The following PRKCB variants were observed in gnomAD, a reference collection of about 807,000 sequenced individuals.
The protein encoded by PRKCB is protein kinase C beta type.
PRKCB carries 13 observed loss-of-function variants against 81.5 expected under a neutral mutation model. The observed-to-expected ratio is 0.16, with a 90% CI of 0.10 to 0.25. The LOEUF is 0.25. PRKCB is among the 10% of genes least tolerant of loss of function. The pLI, the probability that PRKCB is intolerant of heterozygous loss-of-function variation, is 1.00. For missense variants in PRKCB, 509 were observed against 875.7 expected, an observed-to-expected ratio of 0.58 and a Z score of 5.29; for synonymous variants, 335 against 321.4, an observed-to-expected ratio of 1.04 and a Z score of -0.45.
In PRKCB at chr16:23,890,474, C is replaced by G. The variant is rs1222752605; in HGVS notation, c.205+53068C>G. Among the ~76,000 whole-genome samples the G allele has an allele frequency of 2.6e-5, 4 of 152,120 alleles. No individual in the cohort carries two copies. The East Asian group carries it at 7.7e-4, about 29-fold the overall frequency. ...CTTCTATGAAACAAGGAGAGACGCT[C>G]CCTGGGACCCTTAACTATTTCTGGA... On this transcript the variant is annotated intron_variant, in intron 2 of 16. Coordinates refer to ENST00000643927, the MANE Select transcript of PRKCB (RefSeq NM_002738.7).
chr16:23,857,770 G>T (rs1962595881), intron 2 of PRKCB, among the ~76,000 whole-genome samples: 1 of 152,062 alleles, frequency 6.6e-6, no homozygotes, highest in African/African-American at 2.4e-5. Context: ...TCCCTAGAAG[G>T]ATCTCTATTC....
At chr16:24,060,350 G>A (rs1050151294) in intron 5 of PRKCB, among the ~76,000 whole-genome samples, 1 of 152,142 alleles carries the variant, frequency 6.6e-6, no homozygotes, top group African/African-American at 2.4e-5. Flanking sequence ...ATAATGAGGG[G>A]TTAGTTAGTG....
chr16:23,997,781 A>C (rs964090115), intron 3 of PRKCB, among the ~76,000 whole-genome samples: 1 of 152,164 alleles, frequency 6.6e-6, no homozygotes, highest in Non-Finnish European at 1.5e-5. Context: ...TTGCATTTTC[A>C]GTTGTACAAA....
chr16:24,031,428 G>GGA (rs1965550101), intron 3 of PRKCB, among the ~76,000 whole-genome samples: 1 of 152,176 alleles, frequency 6.6e-6, no homozygotes, highest in Non-Finnish European at 1.5e-5. Context: ...AAGGAAGTAT[G>GGA]CATTTCCATT....
chr16:24,113,309 CCTTTCTGTCTTG>C (rs1450960132), intron 8 of PRKCB, among the ~76,000 whole-genome samples: 12 of 148,770 alleles, frequency 8.1e-5, no homozygotes, highest in African/African-American at 3.0e-4. Flanking sequence ...TCGCTTTCTT[CCTTTCTGTCTTG>C]CTTTCTTTCT....
At chr16:24,005,964 G>T (rs1183490514) in intron 3 of PRKCB, among the ~76,000 whole-genome samples, 1 of 152,178 alleles carries the variant, frequency 6.6e-6, no homozygotes, top group Non-Finnish European at 1.5e-5. Flanking sequence ...CATCTCTCTT[G>T]GGATGACCAT....
At chr16:23,891,860 C>T (rs1474849312) in intron 2 of PRKCB, among the ~76,000 whole-genome samples, 3 of 152,206 alleles carry the variant, frequency 2.0e-5, no homozygotes, top group African/African-American at 4.8e-5. Flanking sequence ...CAAAAGACAG[C>T]ACAGAAATTT....
At chr16:23,899,644 C>CTCTGTG (rs1458482493) in intron 2 of PRKCB, among the ~76,000 whole-genome samples, 1 of 5,782 alleles carries the variant, frequency 1.7e-4, no homozygotes, top group African/African-American at 2.1e-4. Context: ...CTCTCTCTCT[C>CTCTGTG]TGTGTGTGTG....
chr16:24,197,694 G>C (rs528724057), intron 16 of PRKCB, among the ~76,000 whole-genome samples: 1 of 152,152 alleles, frequency 6.6e-6, no homozygotes, highest in African/African-American at 2.4e-5. Context: ...CCAGGCAAAA[G>C]GTGATAGGAG....
intron 3 of PRKCB, among the ~76,000 whole-genome samples, chr16:23,990,855 C>T (rs1035673730): frequency 2.6e-5 from 4 of 152,194 alleles, no homozygotes; most frequent in Admixed American, 2.6e-4. Flanking sequence ...ACCCTGGGGG[C>T]ATTCTTTTAC....
chr16:24,193,772 T>G (rs1967835277), intron 16 of PRKCB, among the ~76,000 whole-genome samples: 1 of 152,002 alleles, frequency 6.6e-6, no homozygotes, highest in Non-Finnish European at 1.5e-5. Context: ...GAGAAAGTGT[T>G]GGAGATCGAT....
intron 2 of PRKCB, among the ~76,000 whole-genome samples, chr16:23,861,554 G>A (rs1428322089): frequency 6.6e-6 from 1 of 152,150 alleles, no homozygotes; most frequent in Non-Finnish European, 1.5e-5. Flanking sequence ...ACTTAACACT[G>A]TCATCAAGCG....
intron 16 of PRKCB, among the ~76,000 whole-genome samples, chr16:24,207,308 T>G (rs568877392): frequency 1.3e-3 from 196 of 152,346 alleles, no homozygotes; most frequent in Non-Finnish European, 2.4e-3. Context: ...GCTGTCTCAT[T>G]TAAAATAGCT....
chr16:24,119,128 CTT>C (rs10711558), intron 8 of PRKCB, among the ~76,000 whole-genome samples: 1,694 of 147,790 alleles, frequency 0.011, 19 homozygotes, highest in African/African-American at 0.036. Flanking sequence ...TATCAGACTT[CTT>C]TTTTTTTTTT....
At chr16:23,874,325 T>G (rs1962959530) in intron 2 of PRKCB, among the ~76,000 whole-genome samples, 1 of 152,190 alleles carries the variant, frequency 6.6e-6, no homozygotes, top group East Asian at 1.9e-4. Context: ...GTCAGCTAGA[T>G]TCTGCCTATC....
At chr16:23,880,028 A>G (rs1040830525) in intron 2 of PRKCB, among the ~76,000 whole-genome samples, 2 of 152,188 alleles carry the variant, frequency 1.3e-5, no homozygotes, top group Non-Finnish European at 2.9e-5. Context: ...TGTTTAGGAA[A>G]GTTCCTGGTA....
intron 5 of PRKCB, among the ~76,000 whole-genome samples, chr16:24,061,930 A>AAAAAAAAC (rs1567361049): frequency 1.4e-5 from 2 of 146,600 alleles, no homozygotes; most frequent in African/African-American, 5.0e-5. Flanking sequence ...AAAAAAAAAA[A>AAAAAAAAC]AAACTTGAGG....
At chr16:24,006,728 G>T (rs1376977098) in intron 3 of PRKCB, among the ~76,000 whole-genome samples, 1 of 152,016 alleles carries the variant, frequency 6.6e-6, no homozygotes, top group African/African-American at 2.4e-5. Context: ...AGCTCAAGTT[G>T]CCTAACAAAC....
intron 2 of PRKCB, among the ~76,000 whole-genome samples, chr16:23,913,824 G>A (rs956504034): frequency 6.6e-6 from 1 of 152,090 alleles, no homozygotes; most frequent in Admixed American, 6.6e-5. Flanking sequence ...TATGCTCCAC[G>A]AAAGGAATAG....
Sources: allele counts gnomAD v4.1 joint callset (sites outside exome capture counted in the v4.1 genomes callset), GRCh38; gene constraint gnomAD v4.1.1; transcripts MANE v1.5; gene names NCBI Gene and HGNC (gene_info 2026-07-23, HGNC 2026-07-21).